CDH12: variants seen among roughly 807,000 people sequenced by gnomAD.
The protein encoded by CDH12 is cadherin 12.
A neutral mutation model predicts 74.1 loss-of-function variants in CDH12; 41 were observed. The observed-to-expected ratio is 0.55, with a 90% CI of 0.43 to 0.72. The LOEUF is 0.72. Among genes scored for constraint, CDH12 ranks in the 30% least tolerant of loss-of-function variants. The pLI is 0.00. For missense variants in CDH12, 945 were observed against 977.2 expected (o/e 0.97, Z 0.44); for synonymous variants, 399 against 355.0 (o/e 1.12, Z -1.39).
intron 1 of CDH12, among the ~76,000 whole-genome samples, chr5:22,741,241 C>T (rs1166907030): frequency 6.6e-6 from 1 of 152,088 alleles, no homozygotes; most frequent in Non-Finnish European, 1.5e-5. Flanking sequence ...AAATCAGGTC[C>T]AGGGATTGTC....
rs543544285 is a variant in CDH12 at position 22,202,743 on chromosome 5, G to A, written c.-187+9755C>T. On this transcript the variant is annotated intron_variant, in intron 4 of 14. Transcript: ENST00000382254. The stretch of plus-strand genomic sequence containing the variant: ...GAAATACATTCATTCATCTAATCCT[G>A]CAATACAGAACCCCTGAAAATCACC... Among the ~76,000 whole-genome samples, 11 of 152,096 alleles carry A rather than the reference G, an allele frequency of 7.2e-5. No individual in the cohort carries two copies. The East Asian group carries it at 2.1e-3, about 30-fold the overall frequency.
chr5:21,845,082 C>G (rs1483515064), intron 7 of CDH12, among the ~76,000 whole-genome samples: 1 of 151,992 alleles, frequency 6.6e-6, no homozygotes, highest in African/African-American at 2.4e-5. Context: ...TTTTCAGGAG[C>G]ATAGCAGCAA....
chr5:22,304,693 AATT>A (rs1738028900), intron 3 of CDH12, among the ~76,000 whole-genome samples: 1 of 152,222 alleles, frequency 6.6e-6, no homozygotes, highest in African/African-American at 2.4e-5. Flanking sequence ...CTTGGGCATC[AATT>A]ATAACCTGAG....
intron 3 of CDH12, among the ~76,000 whole-genome samples, chr5:22,388,348 T>G (rs1352929667): frequency 1.3e-5 from 2 of 151,886 alleles, no homozygotes; most frequent in Non-Finnish European, 2.9e-5. Flanking sequence ...TAATAATATA[T>G]TAAAGAAAAG....
chr5:22,579,902 T>C (rs149620822), intron 1 of CDH12, among the ~76,000 whole-genome samples: 112 of 152,270 alleles, frequency 7.4e-4, no homozygotes, highest in Admixed American at 1.4e-3. Flanking sequence ...CCCTGAGCTC[T>C]TCGAAGAGGC....
At chr5:21,859,378 T>G (rs1204379162) in intron 6 of CDH12, among the ~76,000 whole-genome samples, 1 of 151,790 alleles carries the variant, frequency 6.6e-6, no homozygotes, top group Admixed American at 6.6e-5. Context: ...TCAGATTTCA[T>G]GAAAACCCAC....
At chr5:22,202,012 G>A (rs1015862006) in intron 4 of CDH12, among the ~76,000 whole-genome samples, 60 of 152,078 alleles carry the variant, frequency 3.9e-4, no homozygotes, top group Non-Finnish European at 6.8e-4. Context: ...GACACATTGG[G>A]TGGATTAGAG....
At chr5:21,874,572 AC>A (rs896986849) in intron 6 of CDH12, among the ~76,000 whole-genome samples, 3 of 152,106 alleles carry the variant, frequency 2.0e-5, no homozygotes, top group Non-Finnish European at 4.4e-5. Context: ...GGGAGTGGCA[AC>A]CCCCTTTCAG....
rs115852220 is a variant in CDH12, at chr5:22,124,517, A to C, written c.-186-45655T>G. On this transcript the variant is annotated intron_variant, in intron 4 of 14. Coordinates refer to ENST00000382254, the MANE Select transcript of CDH12 (RefSeq NM_004061.5). ...GTTTGTTGTTGTTGTTTTAACCTCT[A>C]ACTTCCTTTTTTCATGAGTTACACA... 4.0e-3 allele frequency among the ~76,000 whole-genome samples: 602 copies of C among 152,000 alleles called. 12 individuals are homozygous for C. The highest frequency in any genetic ancestry group is 0.014 in the African/African-American group (566 of 41,448).
At chr5:22,249,298 C>T (rs1200571933) in intron 3 of CDH12, among the ~76,000 whole-genome samples, 3 of 151,938 alleles carry the variant, frequency 2.0e-5, no homozygotes, top group African/African-American at 7.3e-5. Flanking sequence ...ACAGGTATAC[C>T]CAGAGGGTAT....
chr5:22,636,471 C>T (rs924486251), intron 1 of CDH12, among the ~76,000 whole-genome samples: 8 of 152,094 alleles, frequency 5.3e-5, no homozygotes, highest in East Asian at 1.9e-4. Flanking sequence ...CAAACAATGG[C>T]GTATTCTTTA....
At position 22,658,072 on chromosome 5, in the gene CDH12, A is replaced by G. The variant is rs140782213; in HGVS notation, c.-522-152708T>C. ...TAACAAAGAAAACACCTAGTATTTC[A>G]GTGTAGTGATAGCTTTTGCATATGA... On this transcript the variant is annotated intron_variant, in intron 1 of 14. Transcript: ENST00000382254. Among the ~76,000 whole-genome samples, 41 of 152,340 alleles carry G rather than the reference A, an allele frequency of 2.7e-4. No homozygotes were observed. In the East Asian group the frequency reaches 7.7e-3, roughly 29 times the overall value.
At chr5:22,422,561 G>A (rs1185154300) in intron 2 of CDH12, among the ~76,000 whole-genome samples, 5 of 151,966 alleles carry the variant, frequency 3.3e-5, no homozygotes, top group Non-Finnish European at 7.4e-5. Context: ...ATGACACATT[G>A]CATGATACGA....
intron 3 of CDH12, among the ~76,000 whole-genome samples, chr5:22,225,751 C>A (rs1309350035): frequency 1.3e-5 from 2 of 152,060 alleles, no homozygotes; most frequent in East Asian, 1.9e-4. Context: ...ATCAGGCCAA[C>A]CATAAAAGTT....
At chr5:22,345,964 G>A (rs1740091933) in intron 3 of CDH12, among the ~76,000 whole-genome samples, 1 of 151,994 alleles carries the variant, frequency 6.6e-6, no homozygotes, top group African/African-American at 2.4e-5. Flanking sequence ...AAATTAGCTG[G>A]CTGTGGTGGC....
At chr5:21,854,888 C>G in intron 6 of CDH12, 98 bp from the exon 7 acceptor site, 2 of 1,081,352 alleles carry the variant, frequency 1.8e-6, no homozygotes, top group South Asian at 3.2e-5. Context: ...GGTATTTGAC[C>G]TACGTCAAGT....
At chr5:22,105,884 GA>G (rs1561116720) in intron 4 of CDH12, among the ~76,000 whole-genome samples, 1 of 152,054 alleles carries the variant, frequency 6.6e-6, no homozygotes, top group African/African-American at 2.4e-5. Context: ...TTATTTTGGG[GA>G]GGTACACAAT....
chr5:22,310,461 T>C (rs1161137597), intron 3 of CDH12, among the ~76,000 whole-genome samples: 1 of 64,616 alleles, frequency 1.5e-5, no homozygotes, highest in Non-Finnish European at 4.0e-5. Context: ...AGACTCTGTC[T>C]CAAAAAAAAA....
intron 1 of CDH12, among the ~76,000 whole-genome samples, chr5:22,697,820 C>T (rs1461792325): frequency 6.6e-6 from 1 of 151,926 alleles, no homozygotes; most frequent in Non-Finnish European, 1.5e-5. Flanking sequence ...AACTGGTATT[C>T]TCATAAGAAA....
Sources: allele counts gnomAD v4.1 joint callset (sites outside exome capture counted in the v4.1 genomes callset), GRCh38; gene constraint gnomAD v4.1.1; transcripts MANE v1.5; gene names NCBI Gene and HGNC (gene_info 2026-07-23, HGNC 2026-07-21).